The following SLC4A4 variants were observed in gnomAD, a reference collection of about 807,000 sequenced individuals.
SLC4A4 encodes electrogenic sodium bicarbonate cotransporter 1.
SLC4A4 carries 27 observed loss-of-function variants against 111.5 expected under a neutral mutation model. The ratio of observed to expected loss-of-function variants is 0.24; its 90% confidence interval spans 0.18 to 0.33. SLC4A4 has a LOEUF of 0.33. Among genes scored for constraint, SLC4A4 ranks in the 10% least tolerant of loss-of-function variants. The pLI, the probability that SLC4A4 is intolerant of heterozygous loss-of-function variation, is 1.00. For synonymous variants in SLC4A4, 443 were observed against 463.4 expected, an observed-to-expected ratio of 0.96 and a Z score of 0.57; for missense variants, 909 against 1,315.5, an observed-to-expected ratio of 0.69 and a Z score of 4.78.
chr4:71,167,717 CA>C (rs1744819386), intron 2 of SLC4A4, among the ~76,000 whole-genome samples: 1 of 152,162 alleles, frequency 6.6e-6, no homozygotes, highest in South Asian at 2.1e-4. Flanking sequence ...AAAATCGAAA[CA>C]GTGATTTTTG....
chr4:71,141,672 T>A (rs547136979), intron 2 of SLC4A4, among the ~76,000 whole-genome samples: 8 of 152,346 alleles, frequency 5.3e-5, no homozygotes, highest in Non-Finnish European at 8.8e-5. Context: ...GTTTTCCCCA[T>A]GGAAATAAGT....
chr4:71,436,123 G>A (rs531501504), intron 7 of SLC4A4, among the ~76,000 whole-genome samples: 1 of 152,226 alleles, frequency 6.6e-6, no homozygotes, highest in East Asian at 1.9e-4. Context: ...GTTTATTGTG[G>A]CACTGTTCAC....
intron 7 of SLC4A4, among the ~76,000 whole-genome samples, chr4:71,413,085 T>C (rs1475620111): frequency 1.3e-5 from 2 of 152,156 alleles, no homozygotes; most frequent in Admixed American, 6.5e-5. Flanking sequence ...TTTGTGTCAG[T>C]GTCTTATTTT....
At chr4:71,125,876 C>T (rs1743547916) in intron 2 of SLC4A4, among the ~76,000 whole-genome samples, 1 of 152,136 alleles carries the variant, frequency 6.6e-6, no homozygotes, top group African/African-American at 2.4e-5. Flanking sequence ...TAAGAAATCA[C>T]AACAGATCAC....
chr4:71,447,788 C>A, intron 9 of SLC4A4, 55 bp downstream of exon 9: 1 of 1,111,628 alleles, frequency 9.0e-7, no homozygotes, highest in Non-Finnish European at 1.4e-6. Flanking sequence ...TGTTGTCATA[C>A]TGTGAATTGG....
At chr4:71,089,233 G>T (rs1366200241) in intron 1 of SLC4A4, among the ~76,000 whole-genome samples, 1 of 151,986 alleles carries the variant, frequency 6.6e-6, no homozygotes. Flanking sequence ...TTTGTGCCAT[G>T]GTTTTCAGCT....
rs556998467 is a variant in SLC4A4, at chr4:71,572,015, G to A, written c.*4264G>A. On this transcript the variant is annotated 3_prime_UTR_variant, in exon 26 of 26. Transcript: ENST00000264485. ...TTTTATGGAATTAAGAGATGAAGAA[G>A]ATGAGATATTTTAGCATTTATATTT... 1 of 152,230 alleles carries A rather than the reference G, an allele frequency of 6.6e-6. No individual in the cohort carries two copies. Among genetic ancestry groups the A allele is most frequent in the Non-Finnish European group, 1.5e-5 (1 of 67,874 alleles). The allele number at this position is 152,230 out of a possible 1,614,324, so 9.4% of individuals were successfully genotyped here. A position where few individuals can be genotyped will look rare whatever the true frequency, so the allele number is the denominator to read the frequency against.
At chr4:71,531,789 AC>A (rs1245480489) in intron 16 of SLC4A4, among the ~76,000 whole-genome samples, 18 of 150,504 alleles carry the variant, frequency 1.2e-4, no homozygotes, top group African/African-American at 3.9e-4. Flanking sequence ...ACACACACAC[AC>A]ACACACACAC....
chr4:71,293,541 C>T (rs1471649900), intron 3 of SLC4A4, among the ~76,000 whole-genome samples: 2 of 147,488 alleles, frequency 1.4e-5, no homozygotes, highest in Middle Eastern at 3.2e-3. Context: ...CCAGCCTGGG[C>T]GACTCCGTCT....
chr4:71,066,779 G>A (rs1208074549), intron 1 of SLC4A4, among the ~76,000 whole-genome samples: 1 of 152,166 alleles, frequency 6.6e-6, no homozygotes, highest in Non-Finnish European at 1.5e-5. Context: ...GGGGCAGCCT[G>A]GTGCTCTTGG....
intron 2 of SLC4A4, among the ~76,000 whole-genome samples, chr4:71,114,521 C>T (rs1297625484): frequency 6.0e-5 from 9 of 149,938 alleles, no homozygotes; most frequent in African/African-American, 1.2e-4. Context: ...AAAAAGTGGG[C>T]GAAGGACATG....
At chr4:71,192,946 G>T (rs1314498541) in intron 1 of SLC4A4, among the ~76,000 whole-genome samples, 2 of 152,110 alleles carry the variant, frequency 1.3e-5, no homozygotes, top group Non-Finnish European at 2.9e-5. Flanking sequence ...TAATTACACG[G>T]TGTGTATTCT....
intron 16 of SLC4A4, among the ~76,000 whole-genome samples, chr4:71,520,574 G>A (rs988211192): frequency 1.3e-5 from 2 of 152,176 alleles, no homozygotes; most frequent in Non-Finnish European, 2.9e-5. Context: ...CCTATAAAGG[G>A]AAAGTTTGGC....
intron 4 of SLC4A4, 45 bp downstream of exon 4, chr4:71,339,550 G>A (rs772027967): frequency 3.8e-6 from 6 of 1,596,170 alleles, no homozygotes; most frequent in Admixed American, 3.3e-5. Context: ...AGGGAAACAA[G>A]GGCAGGGCAA....
chr4:71,465,242 C>T (rs1430219590), intron 12 of SLC4A4, among the ~76,000 whole-genome samples: 1 of 151,986 alleles, frequency 6.6e-6, no homozygotes, highest in Non-Finnish European at 1.5e-5. Context: ...CATGATTTTG[C>T]TCCACTGTTT....
chr4:71,301,190 AC>A, intron 3 of SLC4A4: 1 of 266,062 alleles, frequency 3.8e-6, no homozygotes, highest in Non-Finnish European at 7.5e-6. Context: ...TTACACTCAT[AC>A]CCACACCAGA....
intron 3 of SLC4A4, among the ~76,000 whole-genome samples, chr4:71,320,816 A>G (rs1285642380): frequency 6.6e-6 from 1 of 152,084 alleles, no homozygotes; most frequent in Non-Finnish European, 1.5e-5. Flanking sequence ...AGGAATAGCC[A>G]AGCCTTACAC....
At chr4:71,551,765 G>A (rs945304747) in intron 20 of SLC4A4, among the ~76,000 whole-genome samples, 2 of 151,820 alleles carry the variant, frequency 1.3e-5, no homozygotes, top group Non-Finnish European at 2.9e-5. Flanking sequence ...CCTTTCATGT[G>A]CAGATAAATA....
chr4:71,218,540 C>T (rs13147941), intron 1 of SLC4A4, among the ~76,000 whole-genome samples: 103,978 of 152,048 alleles, frequency 0.68, 39,584 homozygotes, highest in Non-Finnish European at 0.86. Flanking sequence ...CATTCAAATC[C>T]GTACAAATCT....
Sources: allele counts gnomAD v4.1 joint callset (sites outside exome capture counted in the v4.1 genomes callset), GRCh38; gene constraint gnomAD v4.1.1; transcripts MANE v1.5; gene names NCBI Gene and HGNC (gene_info 2026-07-23, HGNC 2026-07-21).